CAMK1D: variants seen among roughly 807,000 people sequenced by gnomAD.
CAMK1D encodes calcium/calmodulin dependent protein kinase ID, also known as calcium/calmodulin-dependent protein kinase type 1D.
In CAMK1D, 9 loss-of-function variants were observed where a neutral mutation model predicts 47.7. That is an observed-to-expected ratio of 0.19 (90% CI 0.11 to 0.33). The LOEUF (loss-of-function observed/expected upper bound fraction) is 0.33, where lower values mean the gene tolerates loss of function less well. Among genes scored for constraint, CAMK1D ranks in the 10% least tolerant of loss-of-function variants. The probability of loss-of-function intolerance (pLI) is 1.00; values close to 1 mark genes in which losing one functional copy is unlikely to be tolerated. For synonymous variants in CAMK1D, 184 were observed against 184.9 expected (o/e 0.99, Z 0.04); for missense variants, 291 against 488.7 (o/e 0.60, Z 3.81).
At chr10:12,755,384 C>T (rs1422445789) in intron 3 of CAMK1D, among the ~76,000 whole-genome samples, 2 of 152,090 alleles carry the variant, frequency 1.3e-5, no homozygotes, top group Admixed American at 6.6e-5. Context: ...AGGAAAAGAT[C>T]GAGAAGATGG....
chr10:12,659,822 T>G (rs528402981), intron 2 of CAMK1D, among the ~76,000 whole-genome samples: 4 of 152,210 alleles, frequency 2.6e-5, no homozygotes, highest in Non-Finnish European at 5.9e-5. Context: ...TGGTGGGTAG[T>G]GAAAGACCTG....
chr10:12,391,539 T>G (rs1838734535), intron 1 of CAMK1D, among the ~76,000 whole-genome samples: 1 of 152,204 alleles, frequency 6.6e-6, no homozygotes, highest in Admixed American at 6.5e-5. Flanking sequence ...AAAATTCCAT[T>G]TTAAGTACTG....
At chr10:12,691,601 A>T (rs1832931578) in intron 3 of CAMK1D, among the ~76,000 whole-genome samples, 1 of 150,458 alleles carries the variant, frequency 6.6e-6, no homozygotes, top group African/African-American at 2.5e-5. Context: ...TCCAGCTCAT[A>T]TTTTTTGTAT....
chr10:12,754,169 G>C (rs1013069086), intron 3 of CAMK1D, among the ~76,000 whole-genome samples: 2 of 152,116 alleles, frequency 1.3e-5, no homozygotes, highest in Non-Finnish European at 2.9e-5. Context: ...GGGATTACAG[G>C]TGTGAGCCAC....
At chr10:12,692,948 G>A (rs912801258) in intron 3 of CAMK1D, among the ~76,000 whole-genome samples, 3 of 152,170 alleles carry the variant, frequency 2.0e-5, no homozygotes, top group Admixed American at 6.5e-5. Context: ...TATGGTGCCC[G>A]CTTGTTGGGT....
At chr10:12,760,729 C>T (rs892336513) in intron 3 of CAMK1D, 35 of 513,794 alleles carry the variant, frequency 6.8e-5, no homozygotes, top group Non-Finnish European at 1.1e-4. Flanking sequence ...GTCCGTGGAT[C>T]GTGTTTTTTT....
chr10:12,430,773 T>C (rs10795954), intron 1 of CAMK1D, among the ~76,000 whole-genome samples: 116,888 of 151,990 alleles, frequency 0.77, 45,560 homozygotes, highest in Non-Finnish European at 0.84. Context: ...TTTTTTAAGA[T>C]GGGGTCTTGC....
At chr10:12,816,185 G>A (rs1832785072) in intron 7 of CAMK1D, 65 bp from the exon 8 acceptor site, 2 of 1,321,630 alleles carry the variant, frequency 1.5e-6, no homozygotes, top group African/African-American at 2.9e-5. Flanking sequence ...AAGACCTGGT[G>A]GGATCATATT....
chr10:12,565,109 G>C (rs1837080187), intron 2 of CAMK1D, among the ~76,000 whole-genome samples: 2 of 152,176 alleles, frequency 1.3e-5, no homozygotes, highest in African/African-American at 2.4e-5. Context: ...TACTTGGGAG[G>C]CTGAGGCAGG....
intron 3 of CAMK1D, among the ~76,000 whole-genome samples, chr10:12,698,062 T>C (rs1435747241): frequency 1.3e-5 from 2 of 152,212 alleles, no homozygotes; most frequent in African/African-American, 2.4e-5. Context: ...TGATACTGGT[T>C]GGGCCAAGTT....
intron 2 of CAMK1D, among the ~76,000 whole-genome samples, chr10:12,595,923 G>T (rs1034056687): frequency 2.0e-5 from 3 of 152,134 alleles, no homozygotes; most frequent in African/African-American, 7.2e-5. Context: ...AGCAGCTTCT[G>T]CCTTCCCTCC....
chr10:12,758,181 C>T (rs1836323219), intron 3 of CAMK1D, among the ~76,000 whole-genome samples: 1 of 152,022 alleles, frequency 6.6e-6, no homozygotes, highest in Non-Finnish European at 1.5e-5. Flanking sequence ...AACCTAATCA[C>T]CTCCCAAAGA....
At chr10:12,639,414 G>A (rs1181340448) in intron 2 of CAMK1D, among the ~76,000 whole-genome samples, 1 of 152,226 alleles carries the variant, frequency 6.6e-6, no homozygotes, top group Non-Finnish European at 1.5e-5. Context: ...GAACCCGCGA[G>A]GCGGAGGTTG....
intron 1 of CAMK1D, among the ~76,000 whole-genome samples, chr10:12,496,971 T>C (rs576371031): frequency 2.6e-5 from 4 of 152,294 alleles, no homozygotes; most frequent in African/African-American, 9.6e-5. Flanking sequence ...CTCCCACTTA[T>C]AAGTGAGAAC....
intron 1 of CAMK1D, among the ~76,000 whole-genome samples, chr10:12,435,985 A>G (rs779170451): frequency 6.6e-6 from 1 of 152,104 alleles, no homozygotes; most frequent in Non-Finnish European, 1.5e-5. Flanking sequence ...GGTGGTGGGG[A>G]CAGTCGGGAA....
At chr10:12,706,320 C>A (rs1833723307) in intron 3 of CAMK1D, among the ~76,000 whole-genome samples, 1 of 152,190 alleles carries the variant, frequency 6.6e-6, no homozygotes, top group Admixed American at 6.5e-5. Context: ...TATTTTCAGA[C>A]CGCAGTTGAC....
At chr10:12,437,201 TA>T (rs1435417771) in intron 1 of CAMK1D, among the ~76,000 whole-genome samples, 2 of 152,176 alleles carry the variant, frequency 1.3e-5, no homozygotes, top group South Asian at 2.1e-4. Flanking sequence ...TCTGTCTGTC[TA>T]TGTAATCTAT....
chr10:12,640,887 TC>T (rs1490713364), intron 2 of CAMK1D, among the ~76,000 whole-genome samples: 1 of 152,198 alleles, frequency 6.6e-6, no homozygotes, highest in African/African-American at 2.4e-5. Flanking sequence ...CTAAGTACAT[TC>T]TTTCTTTCAA....
chr10:12,806,231 T>G (rs1332319751), intron 6 of CAMK1D, among the ~76,000 whole-genome samples: 2 of 152,158 alleles, frequency 1.3e-5, no homozygotes, highest in African/African-American at 4.8e-5. Flanking sequence ...AAGGTTAGTG[T>G]TGGGTATCTG....
Sources: allele counts gnomAD v4.1 joint callset (sites outside exome capture counted in the v4.1 genomes callset), GRCh38; gene constraint gnomAD v4.1.1; transcripts MANE v1.5; gene names NCBI Gene and HGNC (gene_info 2026-07-23, HGNC 2026-07-21).